The following FGF10 variants were observed in gnomAD, a reference collection of about 807,000 sequenced individuals.
FGF10 encodes FGF-10.
FGF10 carries 2 observed loss-of-function variants against 19.8 expected under a neutral mutation model. The observed-to-expected ratio is 0.10, with a 90% confidence interval of 0.04 to 0.32. FGF10 has a LOEUF of 0.32. Ranked by LOEUF, FGF10 falls within the 10% of genes least tolerant of loss-of-function variation. The pLI is 1.00. For synonymous variants in FGF10, 112 were observed against 94.0 expected (o/e 1.19, Z -1.10); for missense variants, 191 against 246.3 (o/e 0.78, Z 1.50).
At chr5:44,343,606 G>A (rs1200055842) in intron 1 of FGF10, among the ~76,000 whole-genome samples, 1 of 151,884 alleles carries the variant, frequency 6.6e-6, no homozygotes, top group Non-Finnish European at 1.5e-5. Flanking sequence ...TTATGTCAAG[G>A]AAAATCTCAG....
At chr5:44,373,084 T>C (rs1450695264) in intron 1 of FGF10, among the ~76,000 whole-genome samples, 4 of 152,184 alleles carry the variant, frequency 2.6e-5, no homozygotes, top group Non-Finnish European at 4.4e-5. Context: ...TCTATTTTAG[T>C]TCCAGCTGGC....
At chr5:44,335,293 C>T (rs753902003) in intron 1 of FGF10, among the ~76,000 whole-genome samples, 17 of 152,016 alleles carry the variant, frequency 1.1e-4, no homozygotes, top group Non-Finnish European at 5.9e-5. Flanking sequence ...CCTTCCCTTC[C>T]CTCAAGCATG....
At chr5:44,314,791 A>T (rs560773644) in intron 1 of FGF10, among the ~76,000 whole-genome samples, 1 of 152,128 alleles carries the variant, frequency 6.6e-6, no homozygotes, top group African/African-American at 2.4e-5. Context: ...ATCATGTTGG[A>T]CAAAGGCTTC....
rs1323997571 is a variant in FGF10 at position 44,303,210 on chromosome 5, C to A, written c.*1785G>T. ...TTTTTGAAGAATGGGAAAAATATGA[C>A]CTTTTATGGGATTATACAAAAAATT... On this transcript the variant is annotated 3_prime_UTR_variant, in exon 3 of 3. Transcript: ENST00000264664. Among the ~76,000 whole-genome samples the A allele has an allele frequency of 3.9e-5, 6 of 151,942 alleles. No individual in the cohort carries two copies. Among genetic ancestry groups the A allele is most frequent in the Admixed American group, 3.9e-4 (6 of 15,224 alleles).
chr5:44,346,929 A>G (rs965957801), intron 1 of FGF10, among the ~76,000 whole-genome samples: 6 of 151,850 alleles, frequency 4.0e-5, no homozygotes, highest in Non-Finnish European at 7.4e-5. Context: ...CTAGCACAGC[A>G]TCTTATTTTG....
At chr5:44,322,808 A>G (rs979091546) in intron 1 of FGF10, among the ~76,000 whole-genome samples, 1 of 151,732 alleles carries the variant, frequency 6.6e-6, no homozygotes, top group Admixed American at 6.6e-5. Context: ...CAGGGCTCCC[A>G]CTGATTCTAC....
Position 44,354,613 on chromosome 5 carries a change from A to G in FGF10, c.325+33745T>C, listed in dbSNP as rs973016734. Among the ~76,000 whole-genome samples, 5 of 151,608 alleles carry G rather than the reference A, an allele frequency of 3.3e-5. No individual in the cohort carries two copies. The South Asian group carries it at 1.0e-3, about 31-fold the overall frequency. On this transcript the variant is annotated intron_variant, in intron 1 of 2. Transcript: ENST00000264664. ...TTCTATCCTGCTCAGAAAGTATCCA[A>G]ATAGAACCTGTCCTCATACCAGGGT... is the stretch of plus-strand genomic sequence containing the variant.
intron 1 of FGF10, among the ~76,000 whole-genome samples, chr5:44,355,663 C>T (rs920480496): frequency 2.6e-5 from 4 of 151,030 alleles, no homozygotes; most frequent in Non-Finnish European, 4.4e-5. Context: ...CATATTTTTC[C>T]GCAATACTTA....
chr5:44,307,602 ATCAG>A (rs1740113730), intron 2 of FGF10, among the ~76,000 whole-genome samples: 1 of 152,202 alleles, frequency 6.6e-6, no homozygotes, highest in African/African-American at 2.4e-5. Context: ...AACTGGTTTA[ATCAG>A]TCAGTCTGAA....
At chr5:44,375,801 G>A (rs1741840144) in intron 1 of FGF10, among the ~76,000 whole-genome samples, 1 of 152,024 alleles carries the variant, frequency 6.6e-6, no homozygotes. Context: ...GGCAAGCAAA[G>A]ATAGAAGATC....
At chr5:44,353,240 G>GAT (rs1741274946) in intron 1 of FGF10, among the ~76,000 whole-genome samples, 1 of 151,544 alleles carries the variant, frequency 6.6e-6, no homozygotes, top group African/African-American at 2.4e-5. Context: ...CCAGTGCCAG[G>GAT]ATATATTTGT....
chr5:44,323,909 G>A (rs1740554240), intron 1 of FGF10, among the ~76,000 whole-genome samples: 1 of 152,084 alleles, frequency 6.6e-6, no homozygotes, highest in Admixed American at 6.6e-5. Context: ...CATTTTATGT[G>A]GGAATTGGTG....
intron 1 of FGF10, among the ~76,000 whole-genome samples, chr5:44,337,308 A>G (rs1474907537): frequency 1.3e-5 from 2 of 152,132 alleles, no homozygotes; most frequent in Non-Finnish European, 2.9e-5. Context: ...AGAAGATCTC[A>G]TTATGATCAA....
chr5:44,308,225 T>TG, intron 2 of FGF10, among the ~76,000 whole-genome samples: 1 of 152,262 alleles, frequency 6.6e-6, no homozygotes, highest in Admixed American at 6.5e-5. Context: ...TGAGCTGTGT[T>TG]GGGGCAGAAG....
intron 1 of FGF10, among the ~76,000 whole-genome samples, chr5:44,368,434 A>G (rs1741669093): frequency 6.6e-6 from 1 of 152,068 alleles, no homozygotes; most frequent in Non-Finnish European, 1.5e-5. Flanking sequence ...CCACACCTCC[A>G]TGAAGTCTTT....
At chr5:44,308,136 G>A (rs989451120) in intron 2 of FGF10, among the ~76,000 whole-genome samples, 5 of 152,094 alleles carry the variant, frequency 3.3e-5, no homozygotes, top group East Asian at 1.9e-4. Flanking sequence ...GAAAGCCACC[G>A]GACTCTACTT....
At chr5:44,386,434 TTTG>T (rs961080903) in intron 1 of FGF10, among the ~76,000 whole-genome samples, 1 of 152,316 alleles carries the variant, frequency 6.6e-6, no homozygotes, top group East Asian at 1.9e-4. Flanking sequence ...ATCAGAATTT[TTTG>T]TTGTTGTTGT....
intron 1 of FGF10, among the ~76,000 whole-genome samples, chr5:44,376,691 A>C (rs1741875583): frequency 1.3e-5 from 2 of 151,898 alleles, no homozygotes; most frequent in African/African-American, 4.8e-5. Context: ...AATATGAAGA[A>C]TAATGTCATT....
rs180899842 is a variant in FGF10 at position 44,302,252 on chromosome 5, T to A, written c.*2743A>T. Among the ~76,000 whole-genome samples, 1 of 151,026 alleles carries A rather than the reference T, an allele frequency of 6.6e-6. No individual in the cohort carries two copies. Among genetic ancestry groups the A allele is most frequent in the African/African-American group, 2.4e-5 (1 of 41,168 alleles). ...CTTTCTTTCTCTCTCCTTCCTTCCC[T>A]CCCTTCTTTCCTTCCTTCCTTCTTT... On this transcript the variant is annotated 3_prime_UTR_variant, in exon 3 of 3. Transcript: ENST00000264664.
Sources: allele counts gnomAD v4.1 joint callset (sites outside exome capture counted in the v4.1 genomes callset), GRCh38; gene constraint gnomAD v4.1.1; transcripts MANE v1.5; gene names NCBI Gene and HGNC (gene_info 2026-07-23, HGNC 2026-07-21).